Variants in CUL3 observed in about 807,000 individuals in gnomAD.
The protein encoded by CUL3 is cullin-3.
A neutral mutation model predicts 89.1 loss-of-function variants in CUL3; 19 were observed. The observed-to-expected ratio is 0.21, with a 90% confidence interval of 0.15 to 0.31. The LOEUF (loss-of-function observed/expected upper bound fraction) is 0.31. Ranked by LOEUF, CUL3 falls within the 10% of genes least tolerant of loss-of-function variation. The pLI, the probability that CUL3 is intolerant of heterozygous loss-of-function variation, is 1.00. For synonymous variants in CUL3, 351 were observed against 308.4 expected, an observed-to-expected ratio of 1.14 and a Z score of -1.45; for missense variants, 469 against 942.3, an observed-to-expected ratio of 0.50 and a Z score of 6.58.
At chr2:224,576,985 G>T (rs1279438743) in intron 1 of CUL3, among the ~76,000 whole-genome samples, 1 of 152,134 alleles carries the variant, frequency 6.6e-6, no homozygotes, top group Non-Finnish European at 1.5e-5. Context: ...TTCACAAACT[G>T]GCTCTGCAGG....
In CUL3 at chr2:224,582,860, C is replaced by T. The variant is rs192463171; in HGVS notation, c.66+2084G>A. On this transcript the variant is annotated intron_variant, in intron 1 of 15. Coordinates refer to ENST00000264414, the MANE Select transcript of CUL3 (RefSeq NM_003590.5). ...CCTGGCACATAATATTCAGTATTTG[C>T]TGAACAAATTAAATGATGGCAAAAC... Among the ~76,000 whole-genome samples the T allele has an allele frequency of 2.6e-5, 4 of 152,246 alleles. No homozygotes were observed. The East Asian group carries it at 5.8e-4, about 22-fold the overall frequency.
intron 10 of CUL3, among the ~76,000 whole-genome samples, chr2:224,502,614 T>G (rs1218670554): frequency 6.6e-6 from 1 of 152,124 alleles, no homozygotes; most frequent in Non-Finnish European, 1.5e-5. Flanking sequence ...TGGGGTAAAG[T>G]GAAAAGAAGA....
At position 224,479,237 on chromosome 2, in the gene CUL3, A is replaced by C. The variant is rs550672397; in HGVS notation, c.2030-892T>G. ...AGATAGCCACGAGACAGCAGATTGTACAATTTAGAAGATCATTCTGGTGTG... is the reference window on the plus strand; with the variant it reads ...AGATAGCCACGAGACAGCAGATTGTCCAATTTAGAAGATCATTCTGGTGTG... On this transcript the variant is annotated intron_variant, in intron 14 of 15. Transcript: ENST00000264414. The C allele has an allele frequency of 5.3e-5, 8 of 152,320 alleles. No homozygotes were observed. The South Asian group carries it at 1.0e-3, about 20-fold the overall frequency. The allele number at this position is 152,320 out of a possible 1,614,324, so 9.4% of individuals were successfully genotyped here. A position where few individuals can be genotyped will look rare whatever the true frequency, so the allele number is the denominator to read the frequency against.
intron 2 of CUL3, among the ~76,000 whole-genome samples, chr2:224,550,281 G>A (rs182399611): frequency 1.6e-4 from 24 of 152,238 alleles, no homozygotes; most frequent in Non-Finnish European, 2.8e-4. Context: ...TAGCCTGAGG[G>A]TAATGTTATA....
chr2:224,556,420 C>G (rs1694709476), intron 2 of CUL3: 1 of 152,074 alleles, frequency 6.6e-6, no homozygotes, highest in Non-Finnish European at 1.5e-5. Context: ...ATGTATTATT[C>G]CTGCCAAAAA....
intron 6 of CUL3, among the ~76,000 whole-genome samples, chr2:224,510,219 G>GTTT (rs1553522669): frequency 9.5e-6 from 1 of 105,350 alleles, no homozygotes; most frequent in Non-Finnish European, 2.1e-5. Context: ...GATGACTTCT[G>GTTT]TTTTTTTTTT....
intron 3 of CUL3, among the ~76,000 whole-genome samples, chr2:224,521,231 A>G (rs979049003): frequency 2.0e-5 from 3 of 152,180 alleles, no homozygotes; most frequent in African/African-American, 7.2e-5. Flanking sequence ...AAAAATTGTT[A>G]TTTTATCATT....
At chr2:224,521,411 A>G (rs1693255538) in intron 3 of CUL3, among the ~76,000 whole-genome samples, 1 of 152,084 alleles carries the variant, frequency 6.6e-6, no homozygotes, top group South Asian at 2.1e-4. Flanking sequence ...TGTTTGCTTT[A>G]AAGTCCAGTA....
intron 12 of CUL3, among the ~76,000 whole-genome samples, chr2:224,496,281 T>C (rs1481099629): frequency 6.6e-6 from 1 of 152,200 alleles, no homozygotes; most frequent in Non-Finnish European, 1.5e-5. Flanking sequence ...TTTGCCCGCA[T>C]AGGCTCACAA....
chr2:224,519,135 A>G (rs1693172085), intron 3 of CUL3, among the ~76,000 whole-genome samples: 1 of 152,246 alleles, frequency 6.6e-6, no homozygotes. Context: ...TGCCACAAGT[A>G]AATTCCACAA....
At chr2:224,506,279 C>G (rs1692597115) in intron 7 of CUL3, 147 bp from the exon 8 acceptor site, 2 of 565,888 alleles carry the variant, frequency 3.5e-6, no homozygotes, top group South Asian at 3.4e-5. Context: ...TATTTTCAAG[C>G]CTATATCTAA....
At chr2:224,575,808 T>C (rs1381503377) in intron 1 of CUL3, among the ~76,000 whole-genome samples, 5 of 152,188 alleles carry the variant, frequency 3.3e-5, no homozygotes, top group African/African-American at 1.2e-4. Context: ...AGTTTGAAGA[T>C]TTTTAAACTA....
At chr2:224,482,504 G>A (rs1183537812) in intron 13 of CUL3, among the ~76,000 whole-genome samples, 1 of 151,826 alleles carries the variant, frequency 6.6e-6, no homozygotes, top group Non-Finnish European at 1.5e-5. Flanking sequence ...AAAAAGGAAG[G>A]TAAGCCTGAG....
intron 1 of CUL3, among the ~76,000 whole-genome samples, chr2:224,573,286 A>AT (rs891158653): frequency 2.0e-5 from 3 of 152,164 alleles, no homozygotes; most frequent in Admixed American, 2.0e-4. Flanking sequence ...TATTAACCAA[A>AT]TTTTTTTAAT....
At chr2:224,566,945 G>T (rs1695055375) in intron 1 of CUL3, among the ~76,000 whole-genome samples, 1 of 152,132 alleles carries the variant, frequency 6.6e-6, no homozygotes, top group Non-Finnish European at 1.5e-5. Flanking sequence ...CATTTACCTT[G>T]AAATGGCAGG....
At chr2:224,566,186 G>GA (rs1432426568) in intron 1 of CUL3, among the ~76,000 whole-genome samples, 6 of 152,136 alleles carry the variant, frequency 3.9e-5, no homozygotes, top group African/African-American at 7.2e-5. Flanking sequence ...TTGTCCAGTA[G>GA]AAAAAATACT....
intron 1 of CUL3, among the ~76,000 whole-genome samples, chr2:224,561,125 T>C (rs1368035359): frequency 3.9e-5 from 6 of 152,178 alleles, no homozygotes; most frequent in African/African-American, 9.7e-5. Flanking sequence ...TCTTCATTAT[T>C]TTCCTGGTCT....
intron 1 of CUL3, among the ~76,000 whole-genome samples, chr2:224,561,522 T>C (rs995646425): frequency 1.3e-5 from 2 of 152,174 alleles, no homozygotes; most frequent in African/African-American, 2.4e-5. Context: ...CTTAAGCAAA[T>C]GACTCAAACT....
At chr2:224,560,318 T>C (rs1340579105) in intron 1 of CUL3, 5 of 152,202 alleles carry the variant, frequency 3.3e-5, no homozygotes, top group Non-Finnish European at 5.9e-5. Flanking sequence ...TCTATTCTCA[T>C]GGTTTTAAAT....
Sources: allele counts gnomAD v4.1 joint callset (sites outside exome capture counted in the v4.1 genomes callset), GRCh38; gene constraint gnomAD v4.1.1; transcripts MANE v1.5; gene names NCBI Gene and HGNC (gene_info 2026-07-23, HGNC 2026-07-21).